PRPSAP2: variants seen among roughly 807,000 people sequenced by gnomAD.
The protein encoded by PRPSAP2 is phosphoribosyl pyrophosphate synthetase associated protein 2.
PRPSAP2 carries 24 observed loss-of-function variants against 40.6 expected under a neutral mutation model. The ratio of observed to expected loss-of-function variants is 0.59; its 90% CI spans 0.43 to 0.83. PRPSAP2 has a LOEUF of 0.83. Among genes scored for constraint, PRPSAP2 ranks in the 40% least tolerant of loss-of-function variants. The pLI is 0.00. For synonymous variants in PRPSAP2, 149 were observed against 164.7 expected (o/e 0.90, Z 0.73); for missense variants, 292 against 465.6 (o/e 0.63, Z 3.43).
chr17:18,908,419 G>A lies in PRPSAP2; in HGVS notation c.585-2684G>A, dbSNP rs963465439. On this transcript the variant is annotated intron_variant, in intron 8 of 11. Transcript: ENST00000268835. ...AGGAAGATGAAGAACTTTTAAAAAT[G>A]CAGACGAAACTGTTCTGATTTGCCT... 4.0e-6 allele frequency: 3 copies of A among 758,904 alleles called. No homozygotes were observed. The South Asian group carries it at 4.1e-5, about 10-fold the overall frequency. The allele number at this position is 758,904 out of a possible 1,614,324, so 47.0% of individuals were successfully genotyped here.
chr17:18,873,951 CTG>C (rs1234222076), intron 5 of PRPSAP2, among the ~76,000 whole-genome samples: 4 of 151,544 alleles, frequency 2.6e-5, no homozygotes, highest in African/African-American at 9.7e-5. Context: ...GTTGTCCAGT[CTG>C]GAGTGCAGTG....
intron 2 of PRPSAP2, 66 bp from the exon 3 acceptor site, chr17:18,865,734 TAA>T: frequency 9.5e-7 from 1 of 1,052,636 alleles, no homozygotes; most frequent in Non-Finnish European, 1.2e-6. Context: ...TCATTTCCTT[TAA>T]AAAAAATTCA....
intron 11 of PRPSAP2, among the ~76,000 whole-genome samples, chr17:18,929,160 C>T (rs553957849): frequency 6.6e-6 from 1 of 152,112 alleles, no homozygotes; most frequent in East Asian, 1.9e-4. Flanking sequence ...AGTTGGAGAC[C>T]AGCCTGGCCA....
chr17:18,919,465 G>A (rs1464103585), intron 9 of PRPSAP2, among the ~76,000 whole-genome samples: 3 of 151,574 alleles, frequency 2.0e-5, no homozygotes, highest in Non-Finnish European at 4.4e-5. Flanking sequence ...CTGAGATTGT[G>A]CCACTGCACT....
At chr17:18,896,839 T>G (rs896283673) in intron 8 of PRPSAP2, among the ~76,000 whole-genome samples, 7 of 152,154 alleles carry the variant, frequency 4.6e-5, no homozygotes, top group Admixed American at 1.3e-4. Flanking sequence ...CACCAGTGGT[T>G]GCTAGTCTTC....
At chr17:18,918,664 T>A (rs1451997371) in intron 9 of PRPSAP2, among the ~76,000 whole-genome samples, 2 of 152,188 alleles carry the variant, frequency 1.3e-5, no homozygotes, top group East Asian at 3.8e-4. Context: ...AGAGGCCAGA[T>A]CCGGGAGGCT....
At chr17:18,929,982 T>TGG (rs375163245) in intron 11 of PRPSAP2, among the ~76,000 whole-genome samples, 1 of 150,636 alleles carries the variant, frequency 6.6e-6, no homozygotes. Flanking sequence ...AGCCGTGAGT[T>TGG]GGGGGGGGGC....
chr17:18,879,284 T>C (rs947533826), intron 6 of PRPSAP2, among the ~76,000 whole-genome samples: 6 of 151,220 alleles, frequency 4.0e-5, no homozygotes, highest in African/African-American at 1.5e-4. Flanking sequence ...GAATAAACCT[T>C]TTTTTTTGTT....
At chr17:18,929,222 T>C (rs960135220) in intron 11 of PRPSAP2, among the ~76,000 whole-genome samples, 1 of 152,016 alleles carries the variant, frequency 6.6e-6, no homozygotes, top group Non-Finnish European at 1.5e-5. Context: ...CCGGGCGTGG[T>C]GGCACACACC....
intron 6 of PRPSAP2, among the ~76,000 whole-genome samples, chr17:18,881,272 T>G (rs1176342581): frequency 6.6e-6 from 1 of 151,592 alleles, no homozygotes; most frequent in African/African-American, 2.4e-5. Flanking sequence ...GTCTCCCCCT[T>G]TCACCCAGGT....
chr17:18,921,948 G>T (rs565426402), intron 9 of PRPSAP2, among the ~76,000 whole-genome samples: 1 of 152,214 alleles, frequency 6.6e-6, no homozygotes, highest in Non-Finnish European at 1.5e-5. Flanking sequence ...CATTACCCCG[G>T]AAGAACACCC....
At chr17:18,914,729 C>CT (rs35061539) in intron 9 of PRPSAP2, among the ~76,000 whole-genome samples, 44,152 of 143,762 alleles carry the variant, frequency 0.31, 6,957 homozygotes, top group South Asian at 0.36. Flanking sequence ...TTTCACTGCC[C>CT]TTTTTTTTTT....
At chr17:18,915,021 C>T (rs987565896) in intron 9 of PRPSAP2, among the ~76,000 whole-genome samples, 1 of 139,762 alleles carries the variant, frequency 7.2e-6, no homozygotes, top group African/African-American at 2.7e-5. Context: ...CCACTGCACC[C>T]GACCTTTTTT....
At chr17:18,887,098 G>A (rs1457560045) in intron 7 of PRPSAP2, among the ~76,000 whole-genome samples, 1 of 151,506 alleles carries the variant, frequency 6.6e-6, no homozygotes, top group Non-Finnish European at 1.5e-5. Flanking sequence ...CCCCATACCT[G>A]GCTAATTTTG....
intron 4 of PRPSAP2, 109 bp downstream of exon 4, chr17:18,867,443 C>A: frequency 7.5e-7 from 1 of 1,334,052 alleles, no homozygotes; most frequent in Non-Finnish European, 1.1e-6. Flanking sequence ...TGTACATTTC[C>A]ATTAGCAAGA....
chr17:18,927,558 G>GTTGAAGTCAACAAATTTGTTGAAGGAC (rs2042036861), intron 10 of PRPSAP2, among the ~76,000 whole-genome samples: 1 of 152,166 alleles, frequency 6.6e-6, no homozygotes, highest in Non-Finnish European at 1.5e-5. Context: ...ACATTTGGAT[G>GTTGAAGTCAACAAATTTGTTGAAGGAC]ATTTCCAGGT....
intron 1 of PRPSAP2, chr17:18,858,649 T>G (rs753953319): frequency 6.6e-6 from 1 of 152,286 alleles, no homozygotes. Context: ...TACCTGGCTT[T>G]GCTAGTTACG....
At chr17:18,868,729 T>A (rs891372896) in intron 4 of PRPSAP2, among the ~76,000 whole-genome samples, 24 of 151,564 alleles carry the variant, frequency 1.6e-4, no homozygotes, top group African/African-American at 5.3e-4. Context: ...AAACATTTTT[T>A]TTTTTTTTGG....
intron 9 of PRPSAP2, among the ~76,000 whole-genome samples, chr17:18,922,668 ATTT>A (rs57263191): frequency 5.3e-4 from 48 of 89,826 alleles, no homozygotes; most frequent in Non-Finnish European, 8.8e-4. Context: ...TATATATATA[ATTT>A]TTTTTTTTTT....
Sources: allele counts gnomAD v4.1 joint callset (sites outside exome capture counted in the v4.1 genomes callset), GRCh38; gene constraint gnomAD v4.1.1; transcripts MANE v1.5; gene names NCBI Gene and HGNC (gene_info 2026-07-23, HGNC 2026-07-21).